GRIN2D: variants seen among roughly 807,000 people sequenced by gnomAD.
GRIN2D encodes glutamate ionotropic receptor NMDA type subunit 2D.
GRIN2D carries 37 observed loss-of-function variants against 103.2 expected under a neutral mutation model. That is an observed-to-expected ratio of 0.36 (90% confidence interval 0.28 to 0.47). The LOEUF (loss-of-function observed/expected upper bound fraction) is 0.47. Among genes scored for constraint, GRIN2D ranks in the 20% least tolerant of loss-of-function variants. The pLI, the probability that GRIN2D is intolerant of heterozygous loss-of-function variation, is 1.00. For synonymous variants in GRIN2D, 845 were observed against 885.6 expected, an observed-to-expected ratio of 0.95 and a Z score of 0.81; for missense variants, 1,557 against 1,910.6, an observed-to-expected ratio of 0.81 and a Z score of 3.45.
intron 11 of GRIN2D, among the ~76,000 whole-genome samples, chr19:48,436,547 C>T (rs997763438): frequency 6.6e-6 from 1 of 152,174 alleles, no homozygotes; most frequent in Non-Finnish European, 1.5e-5. Context: ...GTAGACTAGT[C>T]CCCAGGCAAG....
chr19:48,436,588 C>T (rs956139011), intron 11 of GRIN2D, among the ~76,000 whole-genome samples: 1 of 152,178 alleles, frequency 6.6e-6, no homozygotes, highest in Non-Finnish European at 1.5e-5. Context: ...GGGCTAGTAT[C>T]GATTTTGTTT....
intron 11 of GRIN2D, among the ~76,000 whole-genome samples, chr19:48,436,776 G>C (rs889471880): frequency 2.0e-5 from 3 of 152,220 alleles, no homozygotes; most frequent in Admixed American, 6.5e-5. Context: ...AGGCAGAACA[G>C]CCAGTGCAAA....
chr19:48,442,575 C>G lies in GRIN2D; in HGVS notation c.2674-25C>G. On this transcript the variant is annotated intron_variant, in intron 13 of 13. Transcript: ENST00000263269. This position sits in a 1 kb window ranked among gnomAD's most constrained non-coding sequence, Gnocchi z 7.2. ...GGCGTCCTGGGCATCTCGCGCTGAC[C>G]CCCGTCCTGTCCCCGGACCCGCAGG... 1.3e-6 allele frequency: 2 copies of G among 1,491,990 alleles called. No homozygotes were observed. The highest frequency in any genetic ancestry group is 1.8e-6 in the Non-Finnish European group (2 of 1,127,692). 92.4% of individuals were successfully genotyped at this position (1,491,990 alleles called of 1,614,324 possible). A position where few individuals can be genotyped will look rare whatever the true frequency, so the allele number is the denominator to read the frequency against.
At chr19:48,441,702 G>A in intron 11 of GRIN2D, 67 bp from the exon 12 acceptor site, 2 of 1,358,918 alleles carry the variant, frequency 1.5e-6, no homozygotes, top group Non-Finnish European at 2.0e-6. Context: ...AGGTGAGGAG[G>A]TTCCAGGCCT....
rs968981459 is a variant in GRIN2D, at chr19:48,394,675, C to T, written c.-288C>T. 3.9e-5 allele frequency among the ~76,000 whole-genome samples: 6 copies of T among 152,176 alleles called. No individual in the cohort carries two copies. The highest frequency in any genetic ancestry group is 7.2e-5 in the African/African-American group (3 of 41,430). Reference sequence around the variant, plus strand: ...ACTTCCAGAGCAACATGTGTAGCCACGTCCTCGCCTAGTCCAGGTGGCCGC... The same window carrying T: ...ACTTCCAGAGCAACATGTGTAGCCATGTCCTCGCCTAGTCCAGGTGGCCGC... On this transcript the variant is annotated 5_prime_UTR_variant, in exon 2 of 14. It adds an upstream start codon to the 5' untranslated region. Transcript: ENST00000263269. The surrounding 1 kb of genome is among the most constrained non-coding windows in gnomAD (Gnocchi z 5.1).
intron 4 of GRIN2D, among the ~76,000 whole-genome samples, chr19:48,413,041 C>T (rs1478112354): frequency 1.3e-4 from 18 of 142,210 alleles, no homozygotes; most frequent in Admixed American, 3.6e-4. Flanking sequence ...GAGGCTGAGG[C>T]AGGAGAATTG....
In GRIN2D at chr19:48,394,269, C is replaced by T. The variant is rs572684369; in HGVS notation, c.-305-389C>T. On this transcript the variant is annotated intron_variant, in intron 1 of 13. Coordinates refer to ENST00000263269, the MANE Select transcript of GRIN2D (RefSeq NM_000836.4). This position sits in a 1 kb window ranked among gnomAD's most constrained non-coding sequence, Gnocchi z 5.1. ...AGGGAAGTGAGATCGTGCGTGTGTG[C>T]GTGAGTGTATGTGTGTTTCTGCCTG... 2.4e-4 allele frequency among the ~76,000 whole-genome samples: 37 copies of T among 151,458 alleles called. No individual in the cohort carries two copies. The highest frequency in any genetic ancestry group is 8.7e-4 in the African/African-American group (36 of 41,266).
At chr19:48,412,434 AAAGAAAGAAAG>A (rs1185501810) in intron 4 of GRIN2D, among the ~76,000 whole-genome samples, 3 of 128,846 alleles carry the variant, frequency 2.3e-5, no homozygotes, top group African/African-American at 9.9e-5. Context: ...AGAAAGAAAG[AAAGAAAGAAAG>A]AAAGAAAGAA....
At chr19:48,412,421 AAAAGAAAGAAAGAAAGAAAG>A (rs57100057) in intron 4 of GRIN2D, among the ~76,000 whole-genome samples, 309 of 123,430 alleles carry the variant, frequency 2.5e-3, no homozygotes, top group African/African-American at 5.7e-3. Flanking sequence ...AAAGAGAAAG[AAAAGAAAGAAAGAAAGAAAG>A]AAAGAAAGAA....
chr19:48,427,303 AGAGT>A (rs1237143595), intron 11 of GRIN2D, among the ~76,000 whole-genome samples: 1 of 151,824 alleles, frequency 6.6e-6, no homozygotes, highest in African/African-American at 2.4e-5. Flanking sequence ...CCTGGCTGAC[AGAGT>A]GAGACTCCCT....
Position 48,414,228 on chromosome 19 carries a change from C to T in GRIN2D, c.1200+123C>T, listed in dbSNP as rs2147450799. The T allele has an allele frequency of 1.0e-5, 9 of 888,948 alleles. No individual in the cohort carries two copies. Among genetic ancestry groups the T allele is most frequent in the Non-Finnish European group, 1.6e-5 (9 of 558,618 alleles). 55.1% of individuals were successfully genotyped at this position (888,948 alleles called of 1,614,324 possible). ...GGACAAGGAGCCTGGACTCCTGGGT[C>T]CTGGGATCTGAAGGTGGGAGGGGCT... On this transcript the variant is annotated intron_variant, in intron 5 of 13. Coordinates refer to ENST00000263269, the MANE Select transcript of GRIN2D (RefSeq NM_000836.4). This position sits in a 1 kb window ranked among gnomAD's most constrained non-coding sequence, Gnocchi z 4.6.
At chr19:48,431,621 G>C (rs370246959) in intron 11 of GRIN2D, among the ~76,000 whole-genome samples, 1 of 116,908 alleles carries the variant, frequency 8.6e-6, no homozygotes. Flanking sequence ...TTTCACTCTT[G>C]TTGCCCAGGC....
intron 11 of GRIN2D, among the ~76,000 whole-genome samples, chr19:48,432,375 G>A (rs1276516738): frequency 6.6e-6 from 1 of 151,690 alleles, no homozygotes; most frequent in Non-Finnish European, 1.5e-5. Flanking sequence ...TCCGTTGCTG[G>A]GTCTTTCAAT....
At position 48,434,284 on chromosome 19, in the gene GRIN2D, C is replaced by T. The variant is rs112651004; in HGVS notation, c.2253-7485C>T. Among the ~76,000 whole-genome samples the T allele has an allele frequency of 6.6e-5, 10 of 152,032 alleles. 2 individuals carry two copies. Among genetic ancestry groups the T allele is most frequent in the African/African-American group, 2.2e-4 (9 of 41,484 alleles). ...TCTATTTTCTTTTGAGATGCAGTCTCGCTCTGTCACCCAGGCTGGAGTGCA... is the reference window on the plus strand; with the variant it reads ...TCTATTTTCTTTTGAGATGCAGTCTTGCTCTGTCACCCAGGCTGGAGTGCA... On this transcript the variant is annotated intron_variant, in intron 11 of 13. Transcript: ENST00000263269.
At chr19:48,402,166 A>AAGAAAGAAAGAAAGAAAGAGAGAG (rs748167336) in intron 3 of GRIN2D, among the ~76,000 whole-genome samples, 37 of 80,018 alleles carry the variant, frequency 4.6e-4, no homozygotes, top group African/African-American at 1.5e-3. Context: ...GAAAGAAAGA[A>AAGAAAGAAAGAAAGAAAGAGAGAG]AGAGAGAAAA....
chr19:48,412,465 GA>G (rs1393740739), intron 4 of GRIN2D, among the ~76,000 whole-genome samples: 1 of 148,744 alleles, frequency 6.7e-6, no homozygotes, highest in Non-Finnish European at 1.5e-5. Context: ...AAGAAAGAAA[GA>G]AAGAAAGAAA....
In GRIN2D at chr19:48,414,553, C is replaced by T. The variant is rs1486336878; in HGVS notation, c.1381C>T (p.Pro461Ser). The change falls in exon 6 of 14, where the codon CCC becomes TCC. Residue 461 changes from proline to serine, a missense_variant. Around this residue, in one of 7 missense-constraint regions of GRIN2D, gnomAD observed 197 missense variants for 334.1 expected, o/e 0.59. Transcript: ENST00000263269. This position sits in a 1 kb window ranked among gnomAD's most constrained non-coding sequence, Gnocchi z 4.6. ...ISGTCIRDSV[P>S]CRSQLNRTHS... Reference sequence around the variant, plus strand: ...CGGCACCTGCATCCGAGACTCCGTCCCCTGCCGGAGCCAGCTCAACCGAAC... The same window carrying T: ...CGGCACCTGCATCCGAGACTCCGTCTCCTGCCGGAGCCAGCTCAACCGAAC... The T allele has an allele frequency of 8.4e-6, 13 of 1,553,480 alleles. No homozygotes were observed. Among genetic ancestry groups the T allele is most frequent in the Non-Finnish European group, 1.1e-5 (13 of 1,149,006 alleles).
At chr19:48,415,169 G>C (rs1000031629) in intron 7 of GRIN2D, 137 bp downstream of exon 7, 1 of 783,638 alleles carries the variant, frequency 1.3e-6, no homozygotes, top group Non-Finnish European at 2.0e-6. Context: ...TCAGGGGTTC[G>C]AGACCAGTTT....
At chr19:48,441,492 C>G (rs991683285) in intron 11 of GRIN2D, among the ~76,000 whole-genome samples, 1 of 152,112 alleles carries the variant, frequency 6.6e-6, no homozygotes, top group Non-Finnish European at 1.5e-5. Flanking sequence ...ATAGGAGGAT[C>G]GCTTGAGCCC....
Sources: allele counts gnomAD v4.1 joint callset (sites outside exome capture counted in the v4.1 genomes callset), GRCh38; gene constraint gnomAD v4.1.1; regional missense constraint gnomAD v4.1.1; non-coding constraint Gnocchi (gnomAD v3.1); transcripts MANE v1.5; gene names NCBI Gene and HGNC (gene_info 2026-07-23, HGNC 2026-07-21).